The following MYOM1 variants were observed in gnomAD, a reference collection of about 807,000 sequenced individuals.
MYOM1 encodes the protein myomesin 1, also known as myomesin-1.
A neutral mutation model predicts 205.3 loss-of-function variants in MYOM1; 164 were observed. The observed-to-expected ratio is 0.80, with a 90% CI of 0.70 to 0.91. MYOM1 has a LOEUF of 0.91. Ranked by LOEUF, MYOM1 falls within the 40% of genes least tolerant of loss-of-function variation. The probability of loss-of-function intolerance (pLI) is 0.00; values close to 1 mark genes in which losing one functional copy is unlikely to be tolerated. For missense variants in MYOM1, 2,011 were observed against 2,127.3 expected (o/e 0.95, Z 1.08); for synonymous variants, 772 against 789.4 (o/e 0.98, Z 0.37).
the MYOM1 span, chr18:3,246,428 AT>A: frequency 2.0e-5 from 3 of 152,278 alleles, no homozygotes; most frequent in East Asian, 5.8e-4. Context: ...AATTATTTTT[AT>A]TTTTAATTAG....
chr18:3,217,758 G>A (rs1437236690), intron 1 of MYOM1, among the ~76,000 whole-genome samples: 1 of 152,120 alleles, frequency 6.6e-6, no homozygotes, highest in Non-Finnish European at 1.5e-5. Context: ...CAAGGCAGGA[G>A]GATTTCCTGA....
chr18:3,155,229 A>ATTTT (rs1016904913), intron 10 of MYOM1, 141 bp from the exon 11 acceptor site: 5 of 822,772 alleles, frequency 6.1e-6, no homozygotes, highest in Non-Finnish European at 6.8e-6. Flanking sequence ...AAATCTTGCT[A>ATTTT]TTTTTTTTTT....
upstream of MYOM1, among the ~76,000 whole-genome samples, chr18:3,221,299 C>T (rs983836203): frequency 1.3e-5 from 2 of 152,176 alleles, no homozygotes; most frequent in South Asian, 4.1e-4. Flanking sequence ...GAATTACAGG[C>T]GTGAGCCACT....
At chr18:3,167,626 C>A (rs1598738601) in intron 9 of MYOM1, among the ~76,000 whole-genome samples, 1 of 152,222 alleles carries the variant, frequency 6.6e-6, no homozygotes, top group South Asian at 2.1e-4. Context: ...CTCAGGTGAT[C>A]TGCCCACTTC....
chr18:3,099,938 G>A (rs575766928), intron 25 of MYOM1, among the ~76,000 whole-genome samples: 1 of 152,224 alleles, frequency 6.6e-6, no homozygotes, highest in South Asian at 2.1e-4. Context: ...ATGGAGCATG[G>A]GATATATTTT....
chr18:3,134,364 C>A (rs963189285), intron 16 of MYOM1, among the ~76,000 whole-genome samples: 1 of 151,950 alleles, frequency 6.6e-6, no homozygotes, highest in African/African-American at 2.4e-5. Flanking sequence ...GGACTACAGG[C>A]CTGCCACTGC....
chr18:3,210,629 T>C (rs897094207), intron 2 of MYOM1, among the ~76,000 whole-genome samples: 1 of 152,214 alleles, frequency 6.6e-6, no homozygotes, highest in African/African-American at 2.4e-5. Flanking sequence ...TTCCCTGCTG[T>C]AAATCTTGGT....
chr18:3,083,187 C>T (rs949009503), intron 33 of MYOM1, among the ~76,000 whole-genome samples: 2 of 152,092 alleles, frequency 1.3e-5, no homozygotes, highest in African/African-American at 4.8e-5. Flanking sequence ...TCTTAAATCA[C>T]AAAGAAAGAT....
At chr18:3,074,917 C>A (rs1322410261) in intron 36 of MYOM1, among the ~76,000 whole-genome samples, 2 of 151,962 alleles carry the variant, frequency 1.3e-5, no homozygotes, top group African/African-American at 2.4e-5. Context: ...CCTCAGCCTC[C>A]CAAGTAGCTG....
chr18:3,125,725 G>T (rs1228573006), intron 19 of MYOM1, among the ~76,000 whole-genome samples: 2 of 152,210 alleles, frequency 1.3e-5, no homozygotes, highest in Admixed American at 1.3e-4. Flanking sequence ...TTCTGTGAGT[G>T]TTAAGAGGTG....
Position 3,116,527 on chromosome 18 carries a change from A to T in MYOM1, c.3119-12T>A, listed in dbSNP as rs1452176471. ...ACTGTGCGGTGGTCCTGAGAGAGAG[A>T]GAAGCCAATGAGTAGAAATCATAAC... On this transcript the variant is annotated splice_polypyrimidine_tract_variant and intron_variant, in intron 20 of 37. Transcript: ENST00000356443. 5 of 1,505,182 alleles carry T rather than the reference A, an allele frequency of 3.3e-6. No individual in the cohort carries two copies. The highest frequency in any genetic ancestry group is 4.5e-6 in the Non-Finnish European group (5 of 1,122,378). 93.2% of individuals were successfully genotyped at this position (1,505,182 alleles called of 1,614,324 possible). A position where few individuals can be genotyped will look rare whatever the true frequency, so the allele number is the denominator to read the frequency against.
chr18:3,142,011 C>A lies in MYOM1; in HGVS notation c.1953G>T (p.Arg651=), dbSNP rs758120214. 1 of 1,613,780 alleles carries A rather than the reference C, an allele frequency of 6.2e-7. No individual in the cohort carries two copies. The highest frequency in any genetic ancestry group is 1.3e-5 in the African/African-American group (1 of 74,900). ...GCTTCCAGCTGAGCACCACATAGCT[C>A]CGGGTGGCCTCAGTGACAGAGAGGT... ...PTDLSVTEAT[R]SYVVLSWKPP... The change falls in exon 14 of 38, where the codon CGG becomes CGT. Residue 651 remains arginine (R), a synonymous_variant. Transcript: ENST00000356443.
chr18:3,173,517 T>C (rs980729750), intron 8 of MYOM1, among the ~76,000 whole-genome samples: 6 of 151,558 alleles, frequency 4.0e-5, no homozygotes, highest in Non-Finnish European at 7.4e-5. Flanking sequence ...CTCAAGGAAG[T>C]GATGCCCATC....
Position 3,151,751 on chromosome 18 carries a change from A to G in MYOM1, c.1786T>C (p.Ser596Pro). The G allele has an allele frequency of 3.7e-6, 6 of 1,613,860 alleles. No homozygotes were observed. Among genetic ancestry groups the G allele is most frequent in the Non-Finnish European group, 4.2e-6 (5 of 1,179,812 alleles). The change falls in exon 12 of 38, where the codon TCT becomes CCT. Residue 596 changes from serine to proline, a missense_variant. By Grantham distance (74) the Ser-to-Pro change is moderately conservative (BLOSUM62 -1). Transcript: ENST00000356443. ...AVNKMGIGFP[S>P]RVSEPVAALD... is the part of the protein sequence containing the mutation. ...GCAGCCACGGGCTCGGAAACTCGAG[A>G]TGGGAAACCTATTCCCATTTTATTC...
chr18:3,220,721 A>G (rs1019200469), upstream of MYOM1, among the ~76,000 whole-genome samples: 5 of 152,162 alleles, frequency 3.3e-5, no homozygotes, highest in African/African-American at 1.2e-4. Flanking sequence ...TAGCCATGTA[A>G]TCTCCAGCAA....
intron 14 of MYOM1, among the ~76,000 whole-genome samples, chr18:3,139,523 G>A (rs1238464109): frequency 6.6e-6 from 1 of 152,208 alleles, no homozygotes; most frequent in Non-Finnish European, 1.5e-5. Flanking sequence ...AGGGCATCCT[G>A]GAACAGACGC....
intron 8 of MYOM1, among the ~76,000 whole-genome samples, chr18:3,172,155 A>G (rs2080567456): frequency 6.6e-6 from 1 of 152,220 alleles, no homozygotes; most frequent in Non-Finnish European, 1.5e-5. Context: ...AAGAGCAGAG[A>G]GCTTTGTCTG....
Position 3,155,593 on chromosome 18 carries a change from A to C in MYOM1, c.1502-505T>G, listed in dbSNP as rs142819148. Among the ~76,000 whole-genome samples, 62 of 152,338 alleles carry C rather than the reference A, an allele frequency of 4.1e-4. No individual in the cohort carries two copies. In the South Asian group the frequency reaches 4.8e-3, roughly 12 times the overall value. ...CCTTCAGCAGGAAGAACATTGTGTC[A>C]GAAAATAGAAAGTGCTCTGAAAAGA... On this transcript the variant is annotated intron_variant, in intron 10 of 37. Coordinates refer to ENST00000356443, the MANE Select transcript of MYOM1 (RefSeq NM_003803.4).
In MYOM1 at chr18:3,215,033, GCCCGACGGAAGGCCTCGGACT is replaced by G. The variant is rs1567972598; in HGVS notation, c.170_190del (p.Glu57_Arg63del). 1.2e-6 allele frequency: 2 copies of G among 1,612,566 alleles called. No individual in the cohort carries two copies. Among genetic ancestry groups the G allele is most frequent in the East Asian group, 4.5e-5 (2 of 44,828 alleles). ...CTGCTGCTGGGAGGAGGAGGCGGAC[GCCCGACGGAAGGCCTCGGACT>G]CCCGGCGGTGCGCGGCGGAGGAGCG... On this transcript the variant is annotated inframe_deletion, in exon 2 of 38. Transcript: ENST00000356443.
Sources: allele counts gnomAD v4.1 joint callset (sites outside exome capture counted in the v4.1 genomes callset), GRCh38; gene constraint gnomAD v4.1.1; transcripts MANE v1.5; gene names NCBI Gene and HGNC (gene_info 2026-07-23, HGNC 2026-07-21).